HECTD4: variants seen among roughly 807,000 people sequenced by gnomAD.
The protein encoded by HECTD4 is HECT domain E3 ubiquitin protein ligase 4, also known as probable E3 ubiquitin-protein ligase HECTD4.
Under a neutral mutation model 471.5 loss-of-function variants are expected in HECTD4, and 114 were observed. The ratio of observed to expected loss-of-function variants is 0.24; its 90% confidence interval spans 0.21 to 0.28. HECTD4 has a LOEUF of 0.28. HECTD4 is among the 10% of genes least tolerant of loss of function. The probability of loss-of-function intolerance (pLI) is 1.00; values close to 1 mark genes in which losing one functional copy is unlikely to be tolerated. For missense variants in HECTD4, 3,866 were observed against 5,651.5 expected (o/e 0.68, Z 10.13); for synonymous variants, 2,012 against 2,256.0 (o/e 0.89, Z 3.07).
chr12:112,359,507 C>T (rs551445782), intron 1 of HECTD4, among the ~76,000 whole-genome samples: 1 of 152,234 alleles, frequency 6.6e-6, no homozygotes, highest in East Asian at 1.9e-4. Flanking sequence ...GCAACCTCTG[C>T]CTCCCGGATT....
At chr12:112,354,082 A>AT (rs760891813) in intron 1 of HECTD4, among the ~76,000 whole-genome samples, 12 of 151,682 alleles carry the variant, frequency 7.9e-5, no homozygotes, top group African/African-American at 2.7e-4. Context: ...TTTTATTTTG[A>AT]TTTTTTTTGA....
Position 112,265,863 on chromosome 12 carries a change from T to C in HECTD4, c.2498+15A>G. The C allele has an allele frequency of 6.3e-7, 1 of 1,581,370 alleles. No homozygotes were observed. Among genetic ancestry groups the C allele is most frequent in the Non-Finnish European group, 8.7e-7 (1 of 1,150,790 alleles). ...GAACACAAAGGCTAGAAGTGAATAA[T>C]ATAACTGGTGTCACCTGTAATGATC... On this transcript the variant is annotated intron_variant, in intron 15 of 75. Coordinates refer to ENST00000682272, the MANE Select transcript of HECTD4 (RefSeq NM_001388303.1).
Position 112,160,363 on chromosome 12 carries a change from T to C in HECTD4, c.*2024A>G, listed in dbSNP as rs532678658. 1 of 152,350 alleles carries C rather than the reference T, an allele frequency of 6.6e-6. No homozygotes were observed. The highest frequency in any genetic ancestry group is 1.9e-4 in the East Asian group (1 of 5,190). 9.4% of individuals were successfully genotyped at this position (152,350 alleles called of 1,614,324 possible). A position where few individuals can be genotyped will look rare whatever the true frequency, so the allele number is the denominator to read the frequency against. On this transcript the variant is annotated 3_prime_UTR_variant, in exon 76 of 76. Transcript: ENST00000682272. ...TATTGGTGTGACTTTTTTCCTTTAG[T>C]GAGCTTCCTTTACACAGCATGGTGT...
At chr12:112,217,843 C>T (rs1300837743) in intron 45 of HECTD4, among the ~76,000 whole-genome samples, 1 of 152,114 alleles carries the variant, frequency 6.6e-6, no homozygotes, top group Non-Finnish European at 1.5e-5. Context: ...CAGCTCAAGG[C>T]TAAGCAGGGG....
In HECTD4 at chr12:112,160,608, G is replaced by A. The variant is rs780982112; in HGVS notation, c.*1779C>T. 6.6e-6 allele frequency: 1 copy of A among 152,100 alleles called. No homozygotes were observed. Among genetic ancestry groups the A allele is most frequent in the African/African-American group, 2.4e-5 (1 of 41,420 alleles). 9.4% of individuals were successfully genotyped at this position (152,100 alleles called of 1,614,324 possible). On this transcript the variant is annotated 3_prime_UTR_variant, in exon 76 of 76. Transcript: ENST00000682272. Reference sequence around the variant, plus strand: ...CAACAGAAGCTTCTGAACTCCTCCTGGGGAGGTAGCTGACAAGTCCATTCA... The same window carrying A: ...CAACAGAAGCTTCTGAACTCCTCCTAGGGAGGTAGCTGACAAGTCCATTCA...
chr12:112,172,742 G>A lies in HECTD4; in HGVS notation c.11714C>T (p.Ala3905Val). The A allele has an allele frequency of 6.2e-7, 1 of 1,614,030 alleles. No homozygotes were observed. The highest frequency in any genetic ancestry group is 8.5e-7 in the Non-Finnish European group (1 of 1,179,898). ...QLCRHLAITP[A>V]RLHPHEVYLD... ...GTACACCTCATGGGGATGGAGCCGT[G>A]CGGGTGTGATGGCGAGGTGGCGGCA... Residue 3905 changes from alanine (A) to valine (V), a missense_variant, in exon 67 of 76, where the codon GCA becomes GTA. Ala to Val is a moderately conservative substitution (Grantham distance 64, BLOSUM62 0). This residue lies in a region of HECTD4 where 715 missense variants were observed against 1,087.6 expected (regional missense o/e 0.66). Transcript: ENST00000682272.
chr12:112,242,565 G>T (rs1381244953), intron 32 of HECTD4, among the ~76,000 whole-genome samples: 1 of 150,152 alleles, frequency 6.7e-6, no homozygotes, highest in Non-Finnish European at 1.5e-5. Flanking sequence ...AGTGAGCCAT[G>T]ATCACGTCAT....
intron 49 of HECTD4, among the ~76,000 whole-genome samples, chr12:112,211,402 T>C (rs2032755757): frequency 6.6e-6 from 1 of 152,046 alleles, no homozygotes. Flanking sequence ...TATAAAGACT[T>C]GGGCCTTTAA....
chr12:112,228,912 G>T lies in HECTD4; in HGVS notation c.6520-101C>A. ...AGTAAATTTATAGTTGTCATTGTTG[G>T]CGTTACAGTAATAGTTTATACTACT... is the stretch of plus-strand genomic sequence containing the variant. On this transcript the variant is annotated intron_variant, in intron 41 of 75. Transcript: ENST00000682272. The surrounding 1 kb of genome is among the most constrained non-coding windows in gnomAD (Gnocchi z 4.9). 8.7e-7 allele frequency: 1 copy of T among 1,150,452 alleles called. No homozygotes were observed. Among genetic ancestry groups the T allele is most frequent in the Non-Finnish European group, 1.3e-6 (1 of 784,730 alleles). The allele number at this position is 1,150,452 out of a possible 1,614,324, so 71.3% of individuals were successfully genotyped here.
chr12:112,179,489 G>A lies in HECTD4; in HGVS notation c.10988-92C>T. On this transcript the variant is annotated intron_variant, in intron 62 of 75. Coordinates refer to ENST00000682272, the MANE Select transcript of HECTD4 (RefSeq NM_001388303.1). This position sits in a 1 kb window ranked among gnomAD's most constrained non-coding sequence, Gnocchi z 4.3. The stretch of plus-strand genomic sequence containing the variant: ...TTCTGTTTCCAAACACTGTTTGAAA[G>A]GGGCAGTGGATGGACATTAGTGGAA... 1 of 1,135,176 alleles carries A rather than the reference G, an allele frequency of 8.8e-7. No individual in the cohort carries two copies. Among genetic ancestry groups the A allele is most frequent in the African/African-American group, 1.5e-5 (1 of 65,216 alleles). The allele number at this position is 1,135,176 out of a possible 1,614,324, so 70.3% of individuals were successfully genotyped here.
In HECTD4 at chr12:112,163,041, C is replaced by G; in HGVS notation, c.13120+1G>C. 1 of 1,603,328 alleles carries G rather than the reference C, an allele frequency of 6.2e-7. No individual in the cohort carries two copies. Among genetic ancestry groups the G allele is most frequent in the Non-Finnish European group, 8.5e-7 (1 of 1,172,232 alleles). ...GGGACATGGCCAGGGGAGGGCGGTA[C>G]CTGCTGTGCCATCTGGGGGGGCGAT... On this transcript the variant is annotated splice_donor_variant, in intron 75 of 75. Transcript: ENST00000682272. LOFTEE classifies it high-confidence loss of function. The surrounding 1 kb of genome is among the most constrained non-coding windows in gnomAD (Gnocchi z 8.2).
chr12:112,344,769 T>C (rs1333722364), intron 1 of HECTD4, among the ~76,000 whole-genome samples: 2 of 149,814 alleles, frequency 1.3e-5, no homozygotes, highest in Non-Finnish European at 3.0e-5. Context: ...AAATATAAAA[T>C]AAGCCAGGCG....
At chr12:112,282,913 C>G (rs756979500) in intron 8 of HECTD4, among the ~76,000 whole-genome samples, 197 bp downstream of exon 8, 1 of 152,170 alleles carries the variant, frequency 6.6e-6, no homozygotes, top group African/African-American at 2.4e-5. Flanking sequence ...TGCATTCTTA[C>G]AGGTTCATAT....
At chr12:112,340,501 A>G (rs148829366) in intron 1 of HECTD4, among the ~76,000 whole-genome samples, 2 of 152,304 alleles carry the variant, frequency 1.3e-5, no homozygotes, top group Non-Finnish European at 2.9e-5. Context: ...GGCAAGGTCT[A>G]GAGATATTTT....
chr12:112,372,417 G>A (rs1208874429), intron 1 of HECTD4, among the ~76,000 whole-genome samples: 1 of 151,920 alleles, frequency 6.6e-6, no homozygotes, highest in Non-Finnish European at 1.5e-5. Flanking sequence ...CCGCCACCAT[G>A]CCCGGCTAAT....
In HECTD4 at chr12:112,267,210, G is replaced by A. The variant is rs915061768; in HGVS notation, c.2322-228C>T. ...ATGTGCGTCCCTCCCGAAGCTGCGCGCTCGGTCGAAGAGGACGACCATCCC... is the reference window on the plus strand; with the variant it reads ...ATGTGCGTCCCTCCCGAAGCTGCGCACTCGGTCGAAGAGGACGACCATCCC... On this transcript the variant is annotated intron_variant, in intron 13 of 75. Coordinates refer to ENST00000682272, the MANE Select transcript of HECTD4 (RefSeq NM_001388303.1). 2.9e-4 allele frequency: 147 copies of A among 510,282 alleles called. 1 individual carries two copies. Among genetic ancestry groups the A allele is most frequent in the Non-Finnish European group, 3.8e-4 (109 of 284,558 alleles). The allele number at this position is 510,282 out of a possible 1,614,324, so 31.6% of individuals were successfully genotyped here.
intron 1 of HECTD4, among the ~76,000 whole-genome samples, chr12:112,346,456 C>A (rs1235797146): frequency 6.6e-6 from 1 of 152,084 alleles, no homozygotes; most frequent in Non-Finnish European, 1.5e-5. Flanking sequence ...GAAACTCTGC[C>A]CACCCTCGAC....
intron 14 of HECTD4, 29 bp downstream of exon 14, chr12:112,266,883 T>G (rs773247282): frequency 1.9e-5 from 22 of 1,166,690 alleles, no homozygotes. Flanking sequence ...AGGACGGCTG[T>G]TCAAAGATAA....
rs1450602248 is a variant in HECTD4, at chr12:112,254,080, C to T, written c.3410G>A (p.Ser1137Asn). Residue 1137 changes from serine to asparagine, a missense_variant, in exon 22 of 76, where the codon AGT becomes AAT. By Grantham distance (46) the Ser-to-Asn change is conservative. Transcript: ENST00000682272. ...GGNTLGYGSR[S>N]VLGTGWPKDL... ...TTTCGGCCAACCAGTTCCTAAGACA[C>T]TACGGCTGCCATATCCCAGTGTGTT... 3.7e-6 allele frequency: 6 copies of T among 1,614,024 alleles called. No individual in the cohort carries two copies. Among genetic ancestry groups the T allele is most frequent in the Non-Finnish European group, 5.1e-6 (6 of 1,179,890 alleles).
Sources: allele counts gnomAD v4.1 joint callset (sites outside exome capture counted in the v4.1 genomes callset), GRCh38; gene constraint gnomAD v4.1.1; regional missense constraint gnomAD v4.1.1; non-coding constraint Gnocchi (gnomAD v3.1); transcripts MANE v1.5; gene names NCBI Gene and HGNC (gene_info 2026-07-23, HGNC 2026-07-21).